Variants in SEPTIN6 observed in about 807,000 individuals in gnomAD.
SEPTIN6 encodes septin-6.
SEPTIN6 carries 8 observed loss-of-function variants against 33.6 expected under a neutral mutation model. That is an observed-to-expected ratio of 0.24 (90% confidence interval 0.14 to 0.43). SEPTIN6 has a LOEUF of 0.43. Among genes scored for constraint, SEPTIN6 ranks in the 20% least tolerant of loss-of-function variants. SEPTIN6 has a pLI of 1.00. For synonymous variants in SEPTIN6, 131 were observed against 140.0 expected (o/e 0.94, Z 0.45); for missense variants, 250 against 340.8 (o/e 0.73, Z 2.10).
intron 1 of SEPTIN6, among the ~76,000 whole-genome samples, chrX:119,681,347 G>A (rs766144209): frequency 2.7e-5 from 3 of 111,505 alleles, no homozygotes; most frequent in Non-Finnish European, 3.8e-5. Flanking sequence ...AGATGGAACC[G>A]GCAACTTGGC....
At chrX:119,648,643 G>A (rs752857730) in intron 5 of SEPTIN6, among the ~76,000 whole-genome samples, 36 of 111,539 alleles carry the variant, frequency 3.2e-4, no homozygotes, top group Non-Finnish European at 5.6e-4. Flanking sequence ...ACACATCTCG[G>A]GTGTACTGAT....
intron 1 of SEPTIN6, among the ~76,000 whole-genome samples, chrX:119,680,120 A>G (rs2054924879): frequency 8.9e-6 from 1 of 111,762 alleles, no homozygotes; most frequent in South Asian, 3.7e-4. Flanking sequence ...TAGAAATTTT[A>G]GAACATACAG....
intron 5 of SEPTIN6, among the ~76,000 whole-genome samples, chrX:119,648,111 T>G (rs1486172470): frequency 9.1e-6 from 1 of 109,376 alleles, no homozygotes. Flanking sequence ...GCTGCCTAGC[T>G]TGGGGGTTTC....
chrX:119,624,041 C>A (rs1263656309), intron 10 of SEPTIN6: 1 of 339,506 alleles, frequency 2.9e-6, no homozygotes, highest in Non-Finnish European at 5.7e-6. Context: ...ACCTGCTGAT[C>A]TCCTTATAAG....
At chrX:119,645,854 G>A (rs942101160) in intron 5 of SEPTIN6, among the ~76,000 whole-genome samples, 4 of 111,937 alleles carry the variant, frequency 3.6e-5, no homozygotes, top group African/African-American at 1.3e-4. Flanking sequence ...CTATCATACT[G>A]GCCACACCTG....
At chrX:119,654,965 T>C (rs2054415071) in intron 3 of SEPTIN6, among the ~76,000 whole-genome samples, 2 of 111,785 alleles carry the variant, frequency 1.8e-5, no homozygotes, top group African/African-American at 3.3e-5. Flanking sequence ...AATTAATTTT[T>C]GGATGTTTTG....
Position 119,618,941 on chromosome X carries a change from A to G in SEPTIN6, c.*1152T>C. The G allele has an allele frequency of 2.0e-6, 2 of 1,014,790 alleles. No homozygotes were observed. Among genetic ancestry groups the G allele is most frequent in the Non-Finnish European group, 2.5e-6 (2 of 793,756 alleles). The allele number at this position is 1,014,790 out of a possible 1,213,427, so 83.6% of individuals were successfully genotyped here. A position where few individuals can be genotyped will look rare whatever the true frequency, so the allele number is the denominator to read the frequency against. The stretch of plus-strand genomic sequence containing the variant: ...CTACTTCACAGAGGTTCCCAAAGCC[A>G]CTATCAGATGGGACCCATGATAAAA... On this transcript the variant is annotated 3_prime_UTR_variant, in exon 11 of 11. Coordinates refer to ENST00000394610, the MANE Select transcript of SEPTIN6 (RefSeq NM_145799.4).
At chrX:119,616,614 G>T, downstream of SEPTIN6, 1 of 846,956 alleles carries the variant, frequency 1.2e-6, no homozygotes, top group Non-Finnish European at 1.7e-6. Flanking sequence ...ATGTGTGTGT[G>T]CTTGCAGTTT....
chrX:119,631,625 G>A (rs919655199), intron 8 of SEPTIN6, among the ~76,000 whole-genome samples: 1 of 109,260 alleles, frequency 9.2e-6, no homozygotes, highest in Non-Finnish European at 1.9e-5. Context: ...TTTTTATTGA[G>A]ACAGAGTCTC....
chrX:119,622,266 G>A (rs1005146481), intron 10 of SEPTIN6, among the ~76,000 whole-genome samples: 5 of 111,563 alleles, frequency 4.5e-5, no homozygotes, highest in African/African-American at 1.6e-4. Context: ...TAGAGTATCT[G>A]CAACGATGTA....
intron 7 of SEPTIN6, among the ~76,000 whole-genome samples, chrX:119,636,359 C>T (rs181613735): frequency 2.7e-5 from 3 of 112,025 alleles, no homozygotes; most frequent in East Asian, 2.8e-4. Flanking sequence ...TTCTACTTGG[C>T]GCATTACTCC....
rs188041757 is a variant in SEPTIN6, at chrX:119,689,213, C to T, written c.30+3863G>A. Among the ~76,000 whole-genome samples, 96 of 111,829 alleles carry T rather than the reference C, an allele frequency of 8.6e-4. 1 individual carries two copies. The highest frequency in any genetic ancestry group is 2.9e-3 in the African/African-American group (90 of 30,797). ...ATCATCCAGATGCTCTTGGTATGGG[C>T]CGGCATTTACGGTCTGGATCCCAGA... On this transcript the variant is annotated intron_variant, in intron 1 of 10. Transcript: ENST00000394610.
chrX:119,620,021 G>A lies in SEPTIN6; in HGVS notation c.*72C>T, dbSNP rs370897830. On this transcript the variant is annotated 3_prime_UTR_variant, in exon 11 of 11. Coordinates refer to ENST00000394610, the MANE Select transcript of SEPTIN6 (RefSeq NM_145799.4). ...AGAAAGGGAGGCCCAGCTCTGTTGC[G>A]CAGGAAAAGGGTGTCTACAGGAAGC... 3.3e-6 allele frequency: 4 copies of A among 1,204,576 alleles called. No individual in the cohort carries two copies. Among genetic ancestry groups the A allele is most frequent in the Admixed American group, 2.2e-5 (1 of 45,166 alleles).
At position 119,644,704 on chromosome X, in the gene SEPTIN6, G is replaced by A. The variant is rs778142425; in HGVS notation, c.691-3916C>T. Among the ~76,000 whole-genome samples the A allele has an allele frequency of 6.4e-5, 7 of 109,285 alleles. No homozygotes were observed. In the South Asian group the frequency reaches 1.2e-3, roughly 19 times the overall value. The allele number at this position is 109,285 out of a possible 115,157, so 94.9% of individuals were successfully genotyped here. A position where few individuals can be genotyped will look rare whatever the true frequency, so the allele number is the denominator to read the frequency against. On this transcript the variant is annotated intron_variant, in intron 5 of 10. Transcript: ENST00000394610. Reference sequence around the variant, plus strand: ...TCTACTAAAAATACAAAAATTAGCCGGGCGTGGTGGCGGGCGCCTGTAATC... The same window carrying A: ...TCTACTAAAAATACAAAAATTAGCCAGGCGTGGTGGCGGGCGCCTGTAATC...
chrX:119,653,337 G>C (rs1457804207), intron 3 of SEPTIN6, among the ~76,000 whole-genome samples: 2 of 111,691 alleles, frequency 1.8e-5, no homozygotes, highest in Non-Finnish European at 3.8e-5. Context: ...TCCTTCCTAC[G>C]GCCTTCCCCA....
chrX:119,622,473 C>G (rs186284694), intron 10 of SEPTIN6, among the ~76,000 whole-genome samples: 163 of 111,639 alleles, frequency 1.5e-3, no homozygotes, highest in African/African-American at 5.2e-3. Flanking sequence ...GCCAAAGCCT[C>G]CCCTGACTCG....
chrX:119,624,260 C>T (rs1157637054), intron 10 of SEPTIN6, among the ~76,000 whole-genome samples: 3 of 108,322 alleles, frequency 2.8e-5, no homozygotes, highest in African/African-American at 1.0e-4. Flanking sequence ...ACTGCAACCT[C>T]CGCCTCCCAG....
At chrX:119,690,937 AGGAGCTTCACTGGCTGGGGGAGG>A (rs1329531788) in intron 1 of SEPTIN6, among the ~76,000 whole-genome samples, 1 of 110,029 alleles carries the variant, frequency 9.1e-6, no homozygotes. Context: ...ACACATAAAC[AGGAGCTTCACTGGCTGGGGGAGG>A]GGGGCATGGA....
intron 9 of SEPTIN6, 89 bp from the exon 10 acceptor site, chrX:119,625,468 G>A: frequency 1.1e-6 from 1 of 880,946 alleles, no homozygotes; most frequent in Non-Finnish European, 1.7e-6. Context: ...AGGGTTAGAG[G>A]TCAAAGGTGA....
Sources: allele counts gnomAD v4.1 joint callset (sites outside exome capture counted in the v4.1 genomes callset), GRCh38; gene constraint gnomAD v4.1.1; transcripts MANE v1.5; gene names NCBI Gene and HGNC (gene_info 2026-07-23, HGNC 2026-07-21).